COL9A2: variants seen among roughly 807,000 people sequenced by gnomAD.
COL9A2 encodes collagen type IX alpha 2 chain, also known as collagen alpha-2(IX) chain.
COL9A2 carries 66 observed loss-of-function variants against 111.6 expected under a neutral mutation model. The ratio of observed to expected loss-of-function variants is 0.59; its 90% CI spans 0.48 to 0.73. The LOEUF (loss-of-function observed/expected upper bound fraction) is 0.73, where lower values mean the gene tolerates loss of function less well. Among genes scored for constraint, COL9A2 ranks in the 30% least tolerant of loss-of-function variants. The probability of loss-of-function intolerance (pLI) is 0.00; values close to 1 mark genes in which losing one functional copy is unlikely to be tolerated. For missense variants in COL9A2, 881 were observed against 954.1 expected, an observed-to-expected ratio of 0.92 and a Z score of 1.01; for synonymous variants, 353 against 364.1, an observed-to-expected ratio of 0.97 and a Z score of 0.35.
chr1:40,311,226 T>C lies in COL9A2; in HGVS notation c.576+4A>G, dbSNP rs1553184022. 2 of 1,614,164 alleles carry C rather than the reference T, an allele frequency of 1.2e-6. No homozygotes were observed. Among genetic ancestry groups the C allele is most frequent in the South Asian group, 2.2e-5 (2 of 91,086 alleles). ...CTCCCAAGATTCAGGCCAGGAGCTC[T>C]CACCTTCACTCCCTGCAGCCCTGGG... On this transcript the variant is annotated splice_donor_region_variant and intron_variant, in intron 11 of 31. Coordinates refer to ENST00000372748, the MANE Select transcript of COL9A2 (RefSeq NM_001852.4). This position sits in a 1 kb window ranked among gnomAD's most constrained non-coding sequence, Gnocchi z 5.1.
chr1:40,310,771 A>G lies in COL9A2; in HGVS notation c.631-4T>C, dbSNP rs1278543720. On this transcript the variant is annotated splice_polypyrimidine_tract_variant and splice_region_variant and intron_variant, in intron 12 of 31. Coordinates refer to ENST00000372748, the MANE Select transcript of COL9A2 (RefSeq NM_001852.4). The surrounding 1 kb of genome is among the most constrained non-coding windows in gnomAD (Gnocchi z 4.9). ...CACCCACATCTCCCTTGGGACCCTA[A>G]AGGGCAGGGATGAGCTGTCAGACAG... 1 of 1,560,426 alleles carries G rather than the reference A, an allele frequency of 6.4e-7. No homozygotes were observed. The highest frequency in any genetic ancestry group is 8.7e-7 in the Non-Finnish European group (1 of 1,151,602).
Position 40,301,177 on chromosome 1 carries a change from G to A in COL9A2, c.*5C>T. 1 of 1,612,942 alleles carries A rather than the reference G, an allele frequency of 6.2e-7. No homozygotes were observed. The highest frequency in any genetic ancestry group is 8.5e-7 in the Non-Finnish European group (1 of 1,179,936). ...TGCCTGCCAGGCTCTGTCTGGGCCTGATGCTCAAGGCCCCTTGATGGATCC... is the reference window on the plus strand; with the variant it reads ...TGCCTGCCAGGCTCTGTCTGGGCCTAATGCTCAAGGCCCCTTGATGGATCC... On this transcript the variant is annotated 3_prime_UTR_variant, in exon 32 of 32. Transcript: ENST00000372748.
chr1:40,305,059 T>TTA, intron 21 of COL9A2: 1 of 327,910 alleles, frequency 3.0e-6, no homozygotes, highest in Non-Finnish European at 5.2e-6. Flanking sequence ...ATTTCTTTCT[T>TTA]TCTTTTTTTT....
Position 40,317,014 on chromosome 1 carries a change from C to T in COL9A2, c.75+109G>A, listed in dbSNP as rs563194968. ...GCCCGCGGCGCTGTCCTCAGGTGGC[C>T]TCTCGGGCTAGGGGTGTCAGTAGGC... On this transcript the variant is annotated intron_variant, in intron 1 of 31. Transcript: ENST00000372748. This position sits in a 1 kb window ranked among gnomAD's most constrained non-coding sequence, Gnocchi z 4.3. 1.9e-4 allele frequency: 221 copies of T among 1,147,220 alleles called. 1 individual carries two copies. In the African/African-American group the frequency reaches 3.0e-3, roughly 16 times the overall value. 71.1% of individuals were successfully genotyped at this position (1,147,220 alleles called of 1,614,324 possible). A position where few individuals can be genotyped will look rare whatever the true frequency, so the allele number is the denominator to read the frequency against.
chr1:40,302,615 ACTCACCCTTGGGCCCCGTGTTGCCGAT>A lies in COL9A2; in HGVS notation c.1771_1792+5del. 6.3e-7 allele frequency: 1 copy of A among 1,596,156 alleles called. No homozygotes were observed. On this transcript the variant is annotated splice_donor_variant and splice_donor_5th_base_variant and coding_sequence_variant and intron_variant, in exon 30 of 32. Transcript: ENST00000372748. LOFTEE classifies it high-confidence loss of function. This position sits in a 1 kb window ranked among gnomAD's most constrained non-coding sequence, Gnocchi z 4.5. ...GCCCCCATGCCCACCGCAGAGGAGC[ACTCACCCTTGGGCCCCGTGTTGCCGAT>A]CTGACCCACGGCTCCCACGATGCCA...
intron 16 of COL9A2, among the ~76,000 whole-genome samples, chr1:40,309,123 C>T (rs2124078115): frequency 6.6e-6 from 1 of 152,138 alleles, no homozygotes; most frequent in East Asian, 1.9e-4. Context: ...TGCCTGTAAT[C>T]CCAGCCACTT....
chr1:40,303,830 C>T lies in COL9A2; in HGVS notation c.1378G>A (p.Gly460Ser). The T allele has an allele frequency of 1.3e-6, 2 of 1,560,128 alleles. No homozygotes were observed. The highest frequency in any genetic ancestry group is 8.7e-7 in the Non-Finnish European group (1 of 1,153,204). The change falls in exon 27 of 32, where the codon GGC becomes AGC. Residue 460 changes from glycine to serine, a missense_variant. Transcript: ENST00000372748. The surrounding 1 kb of genome is among the most constrained non-coding windows in gnomAD (Gnocchi z 4.6). ...PGEKGEKGES[G>S]EPGPKGQQGV... Reference sequence around the variant, plus strand: ...ACCTGTCCCTTGGGCCCCGGCTCGCCGGACTCGCCCTGCAGGCACAAGGAG... The same window carrying T: ...ACCTGTCCCTTGGGCCCCGGCTCGCTGGACTCGCCCTGCAGGCACAAGGAG...
chr1:40,301,741 C>A, intron 31 of COL9A2, 71 bp downstream of exon 31: 1 of 1,443,986 alleles, frequency 6.9e-7, no homozygotes. Context: ...ATGGAGGAGA[C>A]CGCAGTGTCC....
At position 40,310,834 on chromosome 1, in the gene COL9A2, G is replaced by T; in HGVS notation, c.631-67C>A. On this transcript the variant is annotated intron_variant, in intron 12 of 31. Transcript: ENST00000372748. This position sits in a 1 kb window ranked among gnomAD's most constrained non-coding sequence, Gnocchi z 4.9. ...AAAGACACATATACAGACAAGCAAA[G>T]ATACCACCTCTTTTCCCCAGCACAA... The T allele has an allele frequency of 7.5e-7, 1 of 1,333,226 alleles. No individual in the cohort carries two copies. The highest frequency in any genetic ancestry group is 1.1e-6 in the Non-Finnish European group (1 of 949,032). 82.6% of individuals were successfully genotyped at this position (1,333,226 alleles called of 1,614,324 possible). A position where few individuals can be genotyped will look rare whatever the true frequency, so the allele number is the denominator to read the frequency against.
rs780848055 is a variant in COL9A2, at chr1:40,308,186, A to G, written c.900+6T>C. On this transcript the variant is annotated splice_donor_region_variant and intron_variant, in intron 17 of 31. Coordinates refer to ENST00000372748, the MANE Select transcript of COL9A2 (RefSeq NM_001852.4). ...GTCCTGGTGGGCCTAGGCCTCTGGC[A>G]CCTACCGTTGCTCCTTTCGGGCCTG... 4 of 1,614,000 alleles carry G rather than the reference A, an allele frequency of 2.5e-6. No individual in the cohort carries two copies. Among genetic ancestry groups the G allele is most frequent in the Non-Finnish European group, 3.4e-6 (4 of 1,179,940 alleles).
At position 40,312,910 on chromosome 1, in the gene COL9A2, T is replaced by C. The variant is rs1200128123; in HGVS notation, c.250-126A>G. ...CTTTTTGCCACACCTCATGAAGGCC[T>C]AGGAACCTCCACACCTTTCTTTCCT... On this transcript the variant is annotated intron_variant, in intron 4 of 31. Coordinates refer to ENST00000372748, the MANE Select transcript of COL9A2 (RefSeq NM_001852.4). This position sits in a 1 kb window ranked among gnomAD's most constrained non-coding sequence, Gnocchi z 6.0. 1 of 761,738 alleles carries C rather than the reference T, an allele frequency of 1.3e-6. No individual in the cohort carries two copies. Among genetic ancestry groups the C allele is most frequent in the African/African-American group, 1.7e-5 (1 of 57,364 alleles). The allele number at this position is 761,738 out of a possible 1,614,324, so 47.2% of individuals were successfully genotyped here.
Position 40,314,089 on chromosome 1 carries a change from G to A in COL9A2, c.249+116C>T. The A allele has an allele frequency of 8.7e-7, 1 of 1,144,704 alleles. No homozygotes were observed. The highest frequency in any genetic ancestry group is 2.8e-4 in the Middle Eastern group (1 of 3,586). The allele number at this position is 1,144,704 out of a possible 1,614,324, so 70.9% of individuals were successfully genotyped here. A position where few individuals can be genotyped will look rare whatever the true frequency, so the allele number is the denominator to read the frequency against. ...ATCAAGGTGAGGGGGGCTCACAGCT[G>A]GAGAATCTCCATCCTGCTGCCCATC... On this transcript the variant is annotated intron_variant, in intron 4 of 31. Coordinates refer to ENST00000372748, the MANE Select transcript of COL9A2 (RefSeq NM_001852.4). The surrounding 1 kb of genome is among the most constrained non-coding windows in gnomAD (Gnocchi z 4.1).
chr1:40,310,130 A>G lies in COL9A2; in HGVS notation c.773T>C (p.Ile258Thr), dbSNP rs1557800693. ...PHGYKGMVGA[I>T]GATGPPGEEG... ...GCTTACCGGTGGCCCAGTGGCACCG[A>G]TAGCGCCCACCATGCCTTTATATCC... The change falls in exon 15 of 32, where the codon ATC (isoleucine) becomes ACC (threonine). Residue 258 changes from isoleucine to threonine, a missense_variant. By Grantham distance (89) the Ile-to-Thr change is moderately conservative. Transcript: ENST00000372748. The surrounding 1 kb of genome is among the most constrained non-coding windows in gnomAD (Gnocchi z 4.9). The G allele has an allele frequency of 6.2e-7, 1 of 1,614,002 alleles. No individual in the cohort carries two copies. The highest frequency in any genetic ancestry group is 1.7e-5 in the Admixed American group (1 of 60,022).
rs1257415853 is a variant in COL9A2 at position 40,307,248 on chromosome 1, C to T, written c.1008+198G>A. ...GCAGAAATGGTCAGATCCCATTTAG[C>T]CAACATGGAGGACTGGAATGGCCAA... On this transcript the variant is annotated intron_variant, in intron 19 of 31. Coordinates refer to ENST00000372748, the MANE Select transcript of COL9A2 (RefSeq NM_001852.4). This position sits in a 1 kb window ranked among gnomAD's most constrained non-coding sequence, Gnocchi z 4.8. Among the ~76,000 whole-genome samples, 1 of 152,206 alleles carries T rather than the reference C, an allele frequency of 6.6e-6. No individual in the cohort carries two copies. Among genetic ancestry groups the T allele is most frequent in the Non-Finnish European group, 1.5e-5 (1 of 68,036 alleles).
chr1:40,310,652 G>A lies in COL9A2; in HGVS notation c.684+62C>T. The A allele has an allele frequency of 7.2e-7, 1 of 1,385,622 alleles. No individual in the cohort carries two copies. The highest frequency in any genetic ancestry group is 1.0e-6 in the Non-Finnish European group (1 of 994,264). The allele number at this position is 1,385,622 out of a possible 1,614,324, so 85.8% of individuals were successfully genotyped here. ...AAGCTAGAGGCCTGAGCAGGGGAATGACTCCATGAAGGGCTCCTGGGGTGA... is the reference window on the plus strand; with the variant it reads ...AAGCTAGAGGCCTGAGCAGGGGAATAACTCCATGAAGGGCTCCTGGGGTGA... On this transcript the variant is annotated intron_variant, in intron 13 of 31. Coordinates refer to ENST00000372748, the MANE Select transcript of COL9A2 (RefSeq NM_001852.4). The surrounding 1 kb of genome is among the most constrained non-coding windows in gnomAD (Gnocchi z 4.9).
At chr1:40,313,271 T>C (rs779066207) in intron 4 of COL9A2, among the ~76,000 whole-genome samples, 9 of 152,122 alleles carry the variant, frequency 5.9e-5, no homozygotes, top group Admixed American at 2.0e-4. Context: ...TGGGTTCAAA[T>C]GATTCTTGTG....
In COL9A2 at chr1:40,303,812, C is replaced by T. The variant is rs1367573662; in HGVS notation, c.1396G>A (p.Gly466Arg). ...KGESGEPGPK[G>R]QQGVRGEPGY... ...GCCGGGAGGGGAGGACTCACCTGTC[C>T]CTTGGGCCCCGGCTCGCCGGACTCG... The change falls in exon 27 of 32, where the codon GGA (glycine) becomes AGA (arginine). Residue 466 changes from glycine to arginine, a missense_variant. By Grantham distance (125) the Gly-to-Arg change is moderately radical. Coordinates refer to ENST00000372748, the MANE Select transcript of COL9A2 (RefSeq NM_001852.4). This position sits in a 1 kb window ranked among gnomAD's most constrained non-coding sequence, Gnocchi z 4.6. 2 of 1,563,974 alleles carry T rather than the reference C, an allele frequency of 1.3e-6. No individual in the cohort carries two copies. Among genetic ancestry groups the T allele is most frequent in the African/African-American group, 2.7e-5 (2 of 73,952 alleles).
In COL9A2 at chr1:40,312,203, C is replaced by T; in HGVS notation, c.364-91G>A. 8.3e-7 allele frequency: 1 copy of T among 1,207,840 alleles called. No individual in the cohort carries two copies. Among genetic ancestry groups the T allele is most frequent in the South Asian group, 1.4e-5 (1 of 71,706 alleles). The allele number at this position is 1,207,840 out of a possible 1,614,324, so 74.8% of individuals were successfully genotyped here. A position where few individuals can be genotyped will look rare whatever the true frequency, so the allele number is the denominator to read the frequency against. On this transcript the variant is annotated intron_variant, in intron 7 of 31. Transcript: ENST00000372748. The surrounding 1 kb of genome is among the most constrained non-coding windows in gnomAD (Gnocchi z 6.0). ...AGACAGGCACCCAAAGCCCGTTTCTCCACTTTTACTTTTTTTTTTTTTTTG... is the reference window on the plus strand; with the variant it reads ...AGACAGGCACCCAAAGCCCGTTTCTTCACTTTTACTTTTTTTTTTTTTTTG...
At position 40,315,603 on chromosome 1, in the gene COL9A2, G is replaced by A; in HGVS notation, c.137C>T (p.Ser46Phe). The A allele has an allele frequency of 1.3e-6, 2 of 1,552,656 alleles. No homozygotes were observed. Among genetic ancestry groups the A allele is most frequent in the Non-Finnish European group, 1.7e-6 (2 of 1,147,270 alleles). Residue 46 changes from serine (S) to phenylalanine (F), a missense_variant, in exon 2 of 32, where the codon TCC becomes TTC. Coordinates refer to ENST00000372748, the MANE Select transcript of COL9A2 (RefSeq NM_001852.4). ...TTAGAGACTTACGTCGATGCCGTCG[G>A]ATCCAGGCACTCCCGGCGGTCCCGG... ...GPPGPPGVPGSDGIDGDNGPP... is the reference protein window; with the variant it reads ...GPPGPPGVPGFDGIDGDNGPP...
Sources: allele counts gnomAD v4.1 joint callset (sites outside exome capture counted in the v4.1 genomes callset), GRCh38; gene constraint gnomAD v4.1.1; non-coding constraint Gnocchi (gnomAD v3.1); transcripts MANE v1.5; gene names NCBI Gene and HGNC (gene_info 2026-07-23, HGNC 2026-07-21).